CREM: variants seen among roughly 807,000 people sequenced by gnomAD.
CREM encodes cAMP responsive element modulator, also known as cAMP-responsive element modulator.
A neutral mutation model predicts 37.3 loss-of-function variants in CREM; 13 were observed. That is an observed-to-expected ratio of 0.35 (90% CI 0.23 to 0.55). CREM has a LOEUF of 0.55. Ranked by LOEUF, CREM falls within the 20% of genes least tolerant of loss-of-function variation. The pLI is 0.88. For missense variants in CREM, 296 were observed against 362.3 expected, an observed-to-expected ratio of 0.82 and a Z score of 1.49; for synonymous variants, 124 against 120.2, an observed-to-expected ratio of 1.03 and a Z score of -0.21.
At chr10:35,163,425 T>C (rs1317739564) in intron 3 of CREM, among the ~76,000 whole-genome samples, 1 of 152,144 alleles carries the variant, frequency 6.6e-6, no homozygotes, top group Non-Finnish European at 1.5e-5. Context: ...GGCTCATGCC[T>C]GTAATCCCAA....
intron 1 of CREM, among the ~76,000 whole-genome samples, chr10:35,133,582 A>T (rs2089859145): frequency 6.6e-6 from 1 of 152,246 alleles, no homozygotes. Context: ...TACAGGCGTG[A>T]GCCATGGCGC....
intron 6 of CREM, among the ~76,000 whole-genome samples, chr10:35,191,086 T>TTTTA (rs10528009): frequency 1.5e-4 from 22 of 148,056 alleles, no homozygotes; most frequent in South Asian, 6.4e-4. Context: ...ACATTTTTCT[T>TTTTA]TTTATTTATT....
intron 5 of CREM, among the ~76,000 whole-genome samples, chr10:35,180,238 A>G (rs574582699): frequency 2.3e-4 from 35 of 152,340 alleles, no homozygotes; most frequent in African/African-American, 8.4e-4. Flanking sequence ...CTACTTAGGT[A>G]CTGGAATATA....
chr10:35,178,667 A>G (rs1204666982), intron 3 of CREM, among the ~76,000 whole-genome samples: 1 of 152,226 alleles, frequency 6.6e-6, no homozygotes, highest in Non-Finnish European at 1.5e-5. Flanking sequence ...AGTACCCGTA[A>G]CATTCCTTTC....
At chr10:35,158,798 G>GTTTTT (rs543961468) in intron 3 of CREM, among the ~76,000 whole-genome samples, 4 of 100,794 alleles carry the variant, frequency 4.0e-5, no homozygotes, top group African/African-American at 1.1e-4. Context: ...CAAATATAGT[G>GTTTTT]TTTTTTTTTT....
At chr10:35,167,597 G>A (rs1171233071) in intron 3 of CREM, 1 of 842,542 alleles carries the variant, frequency 1.2e-6, no homozygotes, top group Non-Finnish European at 1.9e-6. Context: ...ACAACACTGT[G>A]AGGTTTTCCC....
At chr10:35,137,723 G>T in intron 1 of CREM, 59 bp from the exon 2 acceptor site, 8 of 649,146 alleles carry the variant, frequency 1.2e-5, no homozygotes, top group Non-Finnish European at 1.2e-5. Flanking sequence ...AATTTAATTT[G>T]AGAGTTTTTG....
chr10:35,211,879 G>A lies in CREM; in HGVS notation c.*481G>A, dbSNP rs2095669618. ...ATACAATATATAGCTGGCAAGAATGGTGGCTTCTTTTCTTTGTATCATTCA... is the reference window on the plus strand; with the variant it reads ...ATACAATATATAGCTGGCAAGAATGATGGCTTCTTTTCTTTGTATCATTCA... On this transcript the variant is annotated 3_prime_UTR_variant, in exon 8 of 8. Coordinates refer to ENST00000685392, the MANE Select transcript of CREM (RefSeq NM_183011.2). The A allele has an allele frequency of 2.2e-6, 3 of 1,334,032 alleles. No homozygotes were observed. In the South Asian group the frequency reaches 5.5e-5, roughly 24 times the overall value. The allele number at this position is 1,334,032 out of a possible 1,614,324, so 82.6% of individuals were successfully genotyped here.
chr10:35,145,602 G>A (rs929756306), intron 2 of CREM, among the ~76,000 whole-genome samples: 8 of 151,942 alleles, frequency 5.3e-5, no homozygotes, highest in African/African-American at 1.7e-4. Context: ...CCAACATGGC[G>A]AAACCCCGTC....
chr10:35,165,074 AAAAAG>A (rs1176393272), intron 3 of CREM, among the ~76,000 whole-genome samples: 4 of 141,930 alleles, frequency 2.8e-5, no homozygotes, highest in African/African-American at 1.0e-4. Context: ...AAAAAAAAAA[AAAAAG>A]AAAAGGAAAA....
At position 35,212,005 on chromosome 10, in the gene CREM, AT is replaced by A. The variant is rs2095670553; in HGVS notation, c.*608del. The A allele has an allele frequency of 6.5e-6, 3 of 458,922 alleles. No homozygotes were observed. The South Asian group carries it at 1.8e-4, about 28-fold the overall frequency. The allele number at this position is 458,922 out of a possible 1,614,324, so 28.4% of individuals were successfully genotyped here. A position where few individuals can be genotyped will look rare whatever the true frequency, so the allele number is the denominator to read the frequency against. On this transcript the variant is annotated 3_prime_UTR_variant, in exon 8 of 8. Coordinates refer to ENST00000685392, the MANE Select transcript of CREM (RefSeq NM_183011.2). ...TTTTAAAAGAGACAAACTGTAAAAA[AT>A]GTGTGTATTCTTAAAATGCAATATT...
At position 35,195,822 on chromosome 10, in the gene CREM, A is replaced by G; in HGVS notation, c.598+7434A>G. ...AATCGTATTTCAGCAGGGGAAGTGG[A>G]AAAGTTAAAACTCCAAGCGAGCTGC... On this transcript the variant is annotated intron_variant, in intron 6 of 7. Coordinates refer to ENST00000685392, the MANE Select transcript of CREM (RefSeq NM_183011.2). The G allele has an allele frequency of 2.3e-5, 12 of 527,050 alleles. No homozygotes were observed. In the South Asian group the frequency reaches 2.7e-4, roughly 12 times the overall value. The allele number at this position is 527,050 out of a possible 1,614,324, so 32.6% of individuals were successfully genotyped here.
chr10:35,191,614 G>A (rs2094922220), intron 6 of CREM, among the ~76,000 whole-genome samples: 1 of 152,052 alleles, frequency 6.6e-6, no homozygotes, highest in Non-Finnish European at 1.5e-5. Context: ...CTTGGCTGAT[G>A]CCTCAGCAGT....
At chr10:35,181,490 C>T (rs918035168) in intron 5 of CREM, among the ~76,000 whole-genome samples, 1 of 152,160 alleles carries the variant, frequency 6.6e-6, no homozygotes, top group African/African-American at 2.4e-5. Context: ...AGGGGGCTGG[C>T]CTTAAACCTC....
rs560138567 is a variant in CREM, at chr10:35,165,074, A to AG, written c.169-13815_169-13814insG. Among the ~76,000 whole-genome samples, 33 of 141,924 alleles carry AG rather than the reference A, an allele frequency of 2.3e-4. 1 individual carries two copies. The highest frequency in any genetic ancestry group is 1.3e-3 in the Admixed American group (18 of 13,706). 93.1% of individuals were successfully genotyped at this position (141,924 alleles called of 152,430 possible). The stretch of plus-strand genomic sequence containing the variant: ...TCCATCTCAAAAAAAAAAAAAAAAA[A>AG]AAAAGAAAAGGAAAAAGAAATACTT... On this transcript the variant is annotated intron_variant, in intron 3 of 7. Transcript: ENST00000685392.
intron 6 of CREM, chr10:35,201,301 G>A (rs941311936): frequency 6.8e-6 from 5 of 735,510 alleles, no homozygotes; most frequent in Admixed American, 2.5e-5. Flanking sequence ...AACTTGGAAC[G>A]TTGTCTTTCA....
chr10:35,161,351 C>T (rs1301228366), intron 3 of CREM, among the ~76,000 whole-genome samples: 3 of 151,616 alleles, frequency 2.0e-5, no homozygotes, highest in African/African-American at 4.8e-5. Context: ...CAAAAATAAG[C>T]AGATGTGGTG....
chr10:35,211,143 C>A, intron 7 of CREM, 111 bp from the exon 8 acceptor site: 1 of 1,167,536 alleles, frequency 8.6e-7, no homozygotes. Context: ...TTTGTACAGT[C>A]CTTACCTAGG....
At chr10:35,173,707 T>C (rs2093926054) in intron 3 of CREM, among the ~76,000 whole-genome samples, 2 of 152,332 alleles carry the variant, frequency 1.3e-5, no homozygotes, top group South Asian at 4.1e-4. Context: ...CATTGGCAGC[T>C]TGAAATCAGC....
Sources: gnomAD v4.1 joint callset for allele counts (sites outside exome capture counted in the v4.1 genomes callset) on GRCh38, gnomAD v4.1.1 for gene constraint, MANE v1.5 for transcripts, NCBI Gene and HGNC (gene_info 2026-07-23, HGNC 2026-07-21) for gene names.